Variants in CDH18 observed in about 807,000 individuals in gnomAD.
CDH18 encodes the protein cadherin-18.
A neutral mutation model predicts 67.9 loss-of-function variants in CDH18; 31 were observed. The ratio of observed to expected loss-of-function variants is 0.46; its 90% CI spans 0.34 to 0.62. CDH18 has a LOEUF of 0.62. Among genes scored for constraint, CDH18 ranks in the 20% least tolerant of loss-of-function variants. CDH18 has a pLI of 0.01. For synonymous variants in CDH18, 362 were observed against 347.2 expected (o/e 1.04, Z -0.48); for missense variants, 890 against 975.5 (o/e 0.91, Z 1.17).
intron 12 of CDH18, among the ~76,000 whole-genome samples, chr5:19,480,665 C>T (rs1365821325): frequency 9.9e-5 from 15 of 152,258 alleles, no homozygotes; most frequent in Middle Eastern, 6.8e-3. Context: ...CATGAGCCAC[C>T]GCGCCCGGCC....
rs77375277 is a variant in CDH18, at chr5:20,054,526, TAC to T, written c.-517-62514_-517-62513del. On this transcript the variant is annotated intron_variant, in intron 2 of 14. Transcript: ENST00000507958. The stretch of plus-strand genomic sequence containing the variant: ...ATTTCAGCATTAGGAGGTTGTGGCT[TAC>T]AGTTTCTTCATTCTACCAATTGAAG... Among the ~76,000 whole-genome samples the T allele has an allele frequency of 7.9e-5, 12 of 152,288 alleles. No homozygotes were observed. The East Asian group carries it at 1.4e-3, about 17-fold the overall frequency.
At chr5:20,123,749 G>C (rs1374682803) in intron 2 of CDH18, among the ~76,000 whole-genome samples, 1 of 151,994 alleles carries the variant, frequency 6.6e-6, no homozygotes, top group East Asian at 1.9e-4. Context: ...TTAGCCGGGT[G>C]TGGTGGTGGG....
At chr5:20,072,135 T>G (rs952136363) in intron 2 of CDH18, among the ~76,000 whole-genome samples, 2 of 152,044 alleles carry the variant, frequency 1.3e-5, no homozygotes, top group Admixed American at 6.6e-5. Context: ...CCATCTTAGA[T>G]CCCATTATGA....
intron 1 of CDH18, among the ~76,000 whole-genome samples, chr5:20,425,327 C>T (rs1180598888): frequency 6.7e-6 from 1 of 150,050 alleles, no homozygotes; most frequent in South Asian, 2.1e-4. Flanking sequence ...GCCAAGATTG[C>T]GCGATTGCAC....
At chr5:19,847,464 A>G (rs1213122155) in intron 2 of CDH18, among the ~76,000 whole-genome samples, 2 of 151,984 alleles carry the variant, frequency 1.3e-5, no homozygotes. Context: ...CTTTTTATAT[A>G]TTTAATCTCT....
intron 2 of CDH18, among the ~76,000 whole-genome samples, chr5:19,921,391 A>T (rs558663428): frequency 6.6e-6 from 1 of 151,762 alleles, no homozygotes; most frequent in Non-Finnish European, 1.5e-5. Context: ...ATTAGCCAGG[A>T]GTGGTGGCGG....
intron 5 of CDH18, among the ~76,000 whole-genome samples, chr5:19,628,774 G>A (rs1193456744): frequency 6.6e-6 from 1 of 151,982 alleles, no homozygotes; most frequent in Non-Finnish European, 1.5e-5. Flanking sequence ...ATATAAATAT[G>A]ACCAGCATAA....
At chr5:19,636,340 T>C (rs982466405) in intron 5 of CDH18, among the ~76,000 whole-genome samples, 3 of 151,960 alleles carry the variant, frequency 2.0e-5, no homozygotes, top group African/African-American at 7.2e-5. Flanking sequence ...TTACACCACA[T>C]AGTTATCCTG....
At chr5:19,625,319 TTTG>T (rs546923225) in intron 5 of CDH18, among the ~76,000 whole-genome samples, 126 of 152,046 alleles carry the variant, frequency 8.3e-4, no homozygotes, top group Non-Finnish European at 1.6e-3. Flanking sequence ...TGACAAATTA[TTTG>T]TTTTTTTTTT....
intron 1 of CDH18, among the ~76,000 whole-genome samples, chr5:20,439,518 C>T (rs891783312): frequency 1.3e-5 from 2 of 151,532 alleles, no homozygotes; most frequent in East Asian, 1.9e-4. Context: ...TTATTGTCAG[C>T]GTATTTCTTA....
intron 2 of CDH18, among the ~76,000 whole-genome samples, chr5:19,930,858 A>G (rs1365430179): frequency 1.3e-5 from 2 of 152,040 alleles, no homozygotes; most frequent in East Asian, 1.9e-4. Context: ...AACTAAATAA[A>G]CCAAAGTCTT....
intron 2 of CDH18, among the ~76,000 whole-genome samples, chr5:19,926,565 C>A (rs1793110941): frequency 6.6e-6 from 1 of 152,026 alleles, no homozygotes; most frequent in Non-Finnish European, 1.5e-5. Flanking sequence ...TTTGTAAATT[C>A]CAGTATTTAA....
intron 2 of CDH18, among the ~76,000 whole-genome samples, chr5:19,860,634 TTTTTTCAAAGACTTAGACCAATA>T (rs1784798387): frequency 6.6e-6 from 1 of 151,914 alleles, no homozygotes; most frequent in Non-Finnish European, 1.5e-5. Flanking sequence ...AAGTTGAAAG[TTTTTTCAAAGACTTAGACCAATA>T]TTTTTCAGTA....
chr5:20,528,183 T>C (rs527937228), intron 1 of CDH18, among the ~76,000 whole-genome samples: 47 of 152,164 alleles, frequency 3.1e-4, no homozygotes, highest in Admixed American at 1.4e-3. Flanking sequence ...TACACAATGG[T>C]AGAAGCTTCA....
At chr5:20,422,827 A>ACGGAG (rs1400211448) in intron 1 of CDH18, among the ~76,000 whole-genome samples, 1 of 151,270 alleles carries the variant, frequency 6.6e-6, no homozygotes, top group African/African-American at 2.5e-5. Context: ...AATTCACACC[A>ACGGAG]CGGAGCACTT....
intron 2 of CDH18, among the ~76,000 whole-genome samples, chr5:20,072,104 T>G (rs994088562): frequency 1.3e-5 from 2 of 152,086 alleles, no homozygotes; most frequent in Non-Finnish European, 1.5e-5. Flanking sequence ...ATCATTCTTT[T>G]GCCTCAACAA....
chr5:20,184,677 TG>T (rs1259278745), intron 2 of CDH18, among the ~76,000 whole-genome samples: 2 of 152,126 alleles, frequency 1.3e-5, no homozygotes, highest in African/African-American at 4.8e-5. Flanking sequence ...CATAATTAGT[TG>T]GTCTATTGAA....
chr5:20,317,643 T>C (rs1737595520), intron 1 of CDH18, among the ~76,000 whole-genome samples: 1 of 152,202 alleles, frequency 6.6e-6, no homozygotes, highest in South Asian at 2.1e-4. Context: ...CTTTGACTAA[T>C]GCTTACAAAT....
intron 1 of CDH18, among the ~76,000 whole-genome samples, chr5:20,490,340 G>A (rs1753514482): frequency 1.3e-5 from 2 of 151,952 alleles, no homozygotes; most frequent in African/African-American, 4.8e-5. Flanking sequence ...TAGCCAATGA[G>A]ACTATACAAC....
Sources: gnomAD v4.1 joint callset for allele counts (sites outside exome capture counted in the v4.1 genomes callset) on GRCh38, gnomAD v4.1.1 for gene constraint, MANE v1.5 for transcripts, NCBI Gene and HGNC (gene_info 2026-07-23, HGNC 2026-07-21) for gene names.